GPC5: variants seen among roughly 807,000 people sequenced by gnomAD.
GPC5 encodes the protein glypican-5.
In GPC5, 47 loss-of-function variants were observed where a neutral mutation model predicts 53.9. The observed-to-expected ratio is 0.87, with a 90% CI of 0.69 to 1.11. The LOEUF (loss-of-function observed/expected upper bound fraction) is 1.11. Ranked by LOEUF, GPC5 falls within the 50% of genes most tolerant of loss-of-function variation. The pLI, the probability that GPC5 is intolerant of heterozygous loss-of-function variation, is 0.00. For synonymous variants in GPC5, 286 were observed against 263.3 expected (o/e 1.09, Z -0.84); for missense variants, 748 against 713.1 (o/e 1.05, Z -0.56).
intron 7 of GPC5, among the ~76,000 whole-genome samples, chr13:92,384,570 CTT>C (rs2043776774): frequency 1.3e-5 from 2 of 152,044 alleles, no homozygotes; most frequent in South Asian, 4.2e-4. Flanking sequence ...CAATGTGTAC[CTT>C]TTCTCTTCCT....
At chr13:92,453,682 C>G (rs1013505511) in intron 7 of GPC5, among the ~76,000 whole-genome samples, 1 of 152,018 alleles carries the variant, frequency 6.6e-6, no homozygotes, top group Non-Finnish European at 1.5e-5. Context: ...CCTAATCTCT[C>G]TTACGAAAAA....
chr13:92,713,594 C>T (rs568660957), intron 7 of GPC5, among the ~76,000 whole-genome samples: 5 of 137,114 alleles, frequency 3.6e-5, no homozygotes, highest in African/African-American at 1.4e-4. Flanking sequence ...GACGACAGAG[C>T]GAGACTCCAA....
chr13:92,023,177 C>A (rs989268548), intron 6 of GPC5, among the ~76,000 whole-genome samples: 2 of 152,152 alleles, frequency 1.3e-5, no homozygotes, highest in East Asian at 3.9e-4. Flanking sequence ...GGATATATTT[C>A]TTTCTCAGTT....
chr13:92,698,213 C>T (rs1015234296), intron 7 of GPC5, among the ~76,000 whole-genome samples: 9 of 151,802 alleles, frequency 5.9e-5, no homozygotes, highest in South Asian at 2.1e-4. Context: ...ATGTGCACAA[C>T]GTGCACGTTA....
chr13:91,695,931 A>C (rs2035870836), intron 3 of GPC5, among the ~76,000 whole-genome samples: 1 of 152,200 alleles, frequency 6.6e-6, no homozygotes. Context: ...AAAGACTAAA[A>C]TAAAAGTTTG....
intron 5 of GPC5, among the ~76,000 whole-genome samples, chr13:91,828,082 C>T (rs967907137): frequency 4.6e-5 from 7 of 151,980 alleles, no homozygotes; most frequent in Non-Finnish European, 7.4e-5. Flanking sequence ...AGCCAACATA[C>T]GATTTCATTT....
intron 6 of GPC5, among the ~76,000 whole-genome samples, chr13:92,018,905 A>C (rs1330966776): frequency 6.6e-6 from 1 of 152,070 alleles, no homozygotes; most frequent in Non-Finnish European, 1.5e-5. Context: ...GCAAACTTTG[A>C]TGCTTAAACT....
At chr13:92,105,502 G>T (rs1424002119) in intron 6 of GPC5, among the ~76,000 whole-genome samples, 1 of 152,006 alleles carries the variant, frequency 6.6e-6, no homozygotes, top group Non-Finnish European at 1.5e-5. Context: ...GGAAAGTGAA[G>T]CTTGAAAATA....
chr13:92,724,704 G>A (rs1399455911), intron 7 of GPC5, among the ~76,000 whole-genome samples: 2 of 151,512 alleles, frequency 1.3e-5, no homozygotes, highest in African/African-American at 4.8e-5. Flanking sequence ...GTATTTGCAG[G>A]GACTGAGGGG....
chr13:92,299,723 T>A (rs981118741), intron 7 of GPC5, among the ~76,000 whole-genome samples: 1 of 152,206 alleles, frequency 6.6e-6, no homozygotes, highest in Admixed American at 6.5e-5. Context: ...AACCATGTGT[T>A]GTCATCCTAT....
In GPC5 at chr13:92,144,864, G is replaced by A; in HGVS notation, c.1436G>A (p.Trp479Ter). 1 of 1,612,062 alleles carries A rather than the reference G, an allele frequency of 6.2e-7. No individual in the cohort carries two copies. Among genetic ancestry groups the A allele is most frequent in the Non-Finnish European group, 8.5e-7 (1 of 1,179,106 alleles). Residue 479 changes from tryptophan (W) to a stop codon, truncating the protein, a stop_gained, in exon 7 of 8, where the codon TGG (tryptophan) becomes TAG (stop). Transcript: ENST00000377067. LOFTEE classifies it high-confidence loss of function. ...GGTAGATCACCCAAACCTGACAAGT[G>A]GGAACTTCTTCAGCTGGGCAGTGGT... ...LQGRSPKPDKWELLQLGSGGG... is the reference protein window; with the variant it reads ...LQGRSPKPDK
intron 1 of GPC5, among the ~76,000 whole-genome samples, chr13:91,403,247 T>A (rs1318388295): frequency 6.6e-6 from 1 of 152,222 alleles, no homozygotes; most frequent in Non-Finnish European, 1.5e-5. Context: ...CAGGAACCAC[T>A]GGAAACAAGA....
At chr13:92,339,788 G>T (rs780789908) in intron 7 of GPC5, 3 of 152,044 alleles carry the variant, frequency 2.0e-5, no homozygotes, top group African/African-American at 4.8e-5. Flanking sequence ...GGCAGGTAAA[G>T]CCAGATAGTT....
intron 6 of GPC5, among the ~76,000 whole-genome samples, chr13:92,139,921 TGTG>T (rs1289153230): frequency 6.6e-6 from 1 of 152,170 alleles, no homozygotes; most frequent in African/African-American, 2.4e-5. Flanking sequence ...GCGTCTACAA[TGTG>T]GTAAGTACTC....
intron 7 of GPC5, among the ~76,000 whole-genome samples, chr13:92,758,193 G>A (rs1323569194): frequency 6.7e-6 from 1 of 149,530 alleles, no homozygotes; most frequent in Non-Finnish European, 1.5e-5. Context: ...GGACATGGAT[G>A]AAATTGGAAA....
intron 7 of GPC5, among the ~76,000 whole-genome samples, chr13:92,239,593 C>T (rs1333576427): frequency 8.6e-5 from 13 of 151,690 alleles, no homozygotes; most frequent in Non-Finnish European, 1.6e-4. Flanking sequence ...AATATCCTGC[C>T]ATTGAATTTT....
At chr13:92,538,088 T>C (rs532441130) in intron 7 of GPC5, among the ~76,000 whole-genome samples, 75 of 152,270 alleles carry the variant, frequency 4.9e-4, no homozygotes, top group African/African-American at 1.8e-3. Context: ...CTAAAGTGTT[T>C]TGACTCCCTG....
chr13:92,289,307 G>A (rs2042978008), intron 7 of GPC5, among the ~76,000 whole-genome samples: 1 of 151,054 alleles, frequency 6.6e-6, no homozygotes, highest in South Asian at 2.1e-4. Context: ...CCTGCCAACA[G>A]CCCTTGCTTA....
intron 6 of GPC5, among the ~76,000 whole-genome samples, chr13:92,083,679 T>G (rs927527857): frequency 2.6e-5 from 4 of 152,248 alleles, no homozygotes; most frequent in Non-Finnish European, 5.9e-5. Context: ...ATGATTTACA[T>G]TCCTCTGGGT....
Sources: gnomAD v4.1 joint callset for allele counts (sites outside exome capture counted in the v4.1 genomes callset) on GRCh38, gnomAD v4.1.1 for gene constraint, MANE v1.5 for transcripts, NCBI Gene and HGNC (gene_info 2026-07-23, HGNC 2026-07-21) for gene names.